ANKRD33B: variants seen among roughly 807,000 people sequenced by gnomAD.
The protein encoded by ANKRD33B is ankyrin repeat domain-containing protein 33B.
ANKRD33B carries 6 observed loss-of-function variants against 21.5 expected under a neutral mutation model. The observed-to-expected ratio is 0.28, with a 90% confidence interval of 0.15 to 0.55. The LOEUF is 0.55. Among genes scored for constraint, ANKRD33B ranks in the 20% least tolerant of loss-of-function variants. ANKRD33B has a pLI of 0.94. For synonymous variants in ANKRD33B, 347 were observed against 342.4 expected (o/e 1.01, Z -0.15); for missense variants, 698 against 747.2 (o/e 0.93, Z 0.77).
intron 1 of ANKRD33B, among the ~76,000 whole-genome samples, chr5:10,584,272 G>A (rs923023727): frequency 2.6e-5 from 4 of 152,164 alleles, no homozygotes; most frequent in African/African-American, 4.8e-5. Context: ...TCAGCTGGGG[G>A]CGGTGGCTTA....
At chr5:10,629,521 G>T (rs1038935861) in intron 2 of ANKRD33B, among the ~76,000 whole-genome samples, 1 of 152,142 alleles carries the variant, frequency 6.6e-6, no homozygotes, top group African/African-American at 2.4e-5. Context: ...TCGGAGGAAA[G>T]ATGTTTTGGG....
At chr5:10,614,208 T>C (rs1238606062) in intron 1 of ANKRD33B, among the ~76,000 whole-genome samples, 4 of 152,166 alleles carry the variant, frequency 2.6e-5, no homozygotes, top group Non-Finnish European at 4.4e-5. Flanking sequence ...GCCAGCCTTT[T>C]TTCTCTTAAA....
intron 2 of ANKRD33B, among the ~76,000 whole-genome samples, 167 bp from the exon 3 acceptor site, chr5:10,637,861 C>G (rs1385012532): frequency 6.6e-6 from 1 of 152,142 alleles, no homozygotes; most frequent in East Asian, 1.9e-4. Context: ...TCCTCTGTTT[C>G]CTGGGCTCCA....
At chr5:10,609,455 G>T (rs959979338) in intron 1 of ANKRD33B, among the ~76,000 whole-genome samples, 1 of 152,204 alleles carries the variant, frequency 6.6e-6, no homozygotes, top group Non-Finnish European at 1.5e-5. Flanking sequence ...GGGAGGCTGA[G>T]GGGGGAGGAT....
At chr5:10,605,961 T>C (rs1364838796) in intron 1 of ANKRD33B, among the ~76,000 whole-genome samples, 1 of 152,266 alleles carries the variant, frequency 6.6e-6, no homozygotes, top group Non-Finnish European at 1.5e-5. Context: ...TGGAAGAACA[T>C]GTAATTGTTA....
Position 10,631,370 on chromosome 5 carries a change from G to C in ANKRD33B, c.497-6658G>C, listed in dbSNP as rs185979961. 1.7e-3 allele frequency among the ~76,000 whole-genome samples: 263 copies of C among 152,338 alleles called. 2 individuals are homozygous for C. The highest frequency in any genetic ancestry group is 5.7e-3 in the African/African-American group (235 of 41,572). On this transcript the variant is annotated intron_variant, in intron 2 of 3. Transcript: ENST00000296657. ...ATTCCACAGCAGTGGGCAGGGAGTG[G>C]CTGTCAAGCACAGGAGGGGAGGAGC... is the stretch of plus-strand genomic sequence containing the variant.
chr5:10,631,713 C>G (rs1463190295), intron 2 of ANKRD33B, among the ~76,000 whole-genome samples: 1 of 152,204 alleles, frequency 6.6e-6, no homozygotes, highest in Non-Finnish European at 1.5e-5. Context: ...AATCGAGCTC[C>G]GTGCCTCTCC....
In ANKRD33B at chr5:10,657,123, A is replaced by G. The variant is rs1737508329; in HGVS notation, c.*7010A>G. 6.6e-6 allele frequency: 1 copy of G among 152,390 alleles called. No homozygotes were observed. Among genetic ancestry groups the G allele is most frequent in the Non-Finnish European group, 1.5e-5 (1 of 68,050 alleles). The allele number at this position is 152,390 out of a possible 1,614,324, so 9.4% of individuals were successfully genotyped here. ...TCTAGAAGCTGATTTAGAACTACAC[A>G]GCTATGGATACACCTGATGAAAACC... On this transcript the variant is annotated 3_prime_UTR_variant, in exon 4 of 4. Coordinates refer to ENST00000296657, the MANE Select transcript of ANKRD33B (RefSeq NM_001164440.2).
chr5:10,632,213 G>A (rs1042235629), intron 2 of ANKRD33B, among the ~76,000 whole-genome samples: 2 of 152,074 alleles, frequency 1.3e-5, no homozygotes, highest in African/African-American at 2.4e-5. Context: ...GGGGAAAGCC[G>A]AGGGACTTCC....
At chr5:10,642,946 C>T (rs1007805619) in intron 3 of ANKRD33B, among the ~76,000 whole-genome samples, 3 of 151,988 alleles carry the variant, frequency 2.0e-5, no homozygotes, top group Admixed American at 6.6e-5. Flanking sequence ...ACTCTGTCGC[C>T]CAGAGTGGAG....
intron 1 of ANKRD33B, among the ~76,000 whole-genome samples, chr5:10,586,426 G>A (rs1337415877): frequency 6.6e-6 from 1 of 151,588 alleles, no homozygotes; most frequent in Non-Finnish European, 1.5e-5. Context: ...TACTTGATTG[G>A]AAGTTCTTGT....
chr5:10,613,772 C>T (rs779598484), intron 1 of ANKRD33B, among the ~76,000 whole-genome samples: 3 of 151,730 alleles, frequency 2.0e-5, no homozygotes, highest in East Asian at 2.0e-4. Flanking sequence ...TGGTGGCATG[C>T]GCCTGTAGTC....
intron 1 of ANKRD33B, among the ~76,000 whole-genome samples, chr5:10,588,307 G>T (rs1053311554): frequency 2.6e-5 from 4 of 152,146 alleles, no homozygotes; most frequent in African/African-American, 9.7e-5. Context: ...TTCTTTGCCA[G>T]CAAATACATG....
In ANKRD33B at chr5:10,657,529, AG is replaced by A. The variant is rs1372987647; in HGVS notation, c.*7418del. ...GTAAATTTCATAGTGTTTTATTTTG[AG>A]GTGAGAGTTTTGTTATAGTTTATAA... On this transcript the variant is annotated 3_prime_UTR_variant, in exon 4 of 4. Transcript: ENST00000296657. The A allele has an allele frequency of 6.6e-6, 1 of 152,306 alleles. No individual in the cohort carries two copies. The highest frequency in any genetic ancestry group is 1.9e-4 in the East Asian group (1 of 5,340). The allele number at this position is 152,306 out of a possible 1,614,324, so 9.4% of individuals were successfully genotyped here.
chr5:10,591,663 A>G lies in ANKRD33B; in HGVS notation c.367-26670A>G, dbSNP rs149899870. Among the ~76,000 whole-genome samples, 48 of 152,174 alleles carry G rather than the reference A, an allele frequency of 3.2e-4. No homozygotes were observed. The East Asian group carries it at 6.4e-3, about 20-fold the overall frequency. ...GCATATGGTGTCTCATTAATATTTT[A>G]ATTTACATTATTTTGCTTACTAGTA... On this transcript the variant is annotated intron_variant, in intron 1 of 3. Transcript: ENST00000296657.
intron 1 of ANKRD33B, among the ~76,000 whole-genome samples, chr5:10,572,119 C>T (rs1323914709): frequency 6.6e-6 from 1 of 152,148 alleles, no homozygotes; most frequent in African/African-American, 2.4e-5. Context: ...GAACTCCTGA[C>T]CTCAGGTGAT....
intron 1 of ANKRD33B, among the ~76,000 whole-genome samples, chr5:10,601,570 G>A (rs1291410622): frequency 6.6e-5 from 10 of 152,218 alleles, no homozygotes; most frequent in African/African-American, 2.4e-4. Context: ...TCCTTCCCCA[G>A]ACTGAATGTC....
In ANKRD33B at chr5:10,650,242, A is replaced by T. The variant is rs970553691; in HGVS notation, c.*129A>T. 4.8e-6 allele frequency: 5 copies of T among 1,048,310 alleles called. No individual in the cohort carries two copies. The highest frequency in any genetic ancestry group is 3.4e-5 in the African/African-American group (2 of 58,650). The allele number at this position is 1,048,310 out of a possible 1,614,324, so 64.9% of individuals were successfully genotyped here. A position where few individuals can be genotyped will look rare whatever the true frequency, so the allele number is the denominator to read the frequency against. On this transcript the variant is annotated 3_prime_UTR_variant, in exon 4 of 4. Coordinates refer to ENST00000296657, the MANE Select transcript of ANKRD33B (RefSeq NM_001164440.2). ...CTCCATGGACCACGGGGCTGCGCGC[A>T]TTTCCAGGCTGTTTGTCCAGGCTGC...
intron 3 of ANKRD33B, among the ~76,000 whole-genome samples, chr5:10,646,347 G>A (rs1369086522): frequency 3.9e-5 from 6 of 152,072 alleles, no homozygotes; most frequent in South Asian, 2.1e-4. Flanking sequence ...GTTAATAATC[G>A]GTACTTATCT....
Sources: allele counts gnomAD v4.1 joint callset (sites outside exome capture counted in the v4.1 genomes callset), GRCh38; gene constraint gnomAD v4.1.1; transcripts MANE v1.5; gene names NCBI Gene and HGNC (gene_info 2026-07-23, HGNC 2026-07-21).